NELL1: variants seen among roughly 807,000 people sequenced by gnomAD.
NELL1 encodes neural EGFL like 1.
NELL1 carries 76 observed loss-of-function variants against 107.4 expected under a neutral mutation model. The ratio of observed to expected loss-of-function variants is 0.71; its 90% CI spans 0.59 to 0.86. NELL1 has a LOEUF of 0.86. NELL1 is among the 40% of genes least tolerant of loss of function. The pLI, the probability that NELL1 is intolerant of heterozygous loss-of-function variation, is 0.00. For missense variants in NELL1, 1,024 were observed against 1,005.5 expected, an observed-to-expected ratio of 1.02 and a Z score of -0.25; for synonymous variants, 353 against 341.2, an observed-to-expected ratio of 1.03 and a Z score of -0.38.
At chr11:21,236,556 T>G (rs929090273) in intron 14 of NELL1, among the ~76,000 whole-genome samples, 44 of 152,156 alleles carry the variant, frequency 2.9e-4, no homozygotes, top group African/African-American at 9.4e-4. Flanking sequence ...TACAGAAAAT[T>G]TATTCTATTT....
chr11:21,050,756 A>G (rs1433070690), intron 12 of NELL1, among the ~76,000 whole-genome samples: 1 of 152,160 alleles, frequency 6.6e-6, no homozygotes, highest in Non-Finnish European at 1.5e-5. Flanking sequence ...TCATCTGTAT[A>G]GTAAGGAGGT....
At chr11:21,134,081 G>A (rs181862611) in intron 13 of NELL1, among the ~76,000 whole-genome samples, 71 of 152,342 alleles carry the variant, frequency 4.7e-4, no homozygotes, top group Admixed American at 2.7e-3. Flanking sequence ...TCAAGTCTCC[G>A]CTTTGATATG....
chr11:20,998,808 A>G (rs796659024), intron 12 of NELL1, among the ~76,000 whole-genome samples: 6 of 152,314 alleles, frequency 3.9e-5, no homozygotes, highest in African/African-American at 9.6e-5. Context: ...AATTCAATCT[A>G]TATAATGCCA....
intron 14 of NELL1, among the ~76,000 whole-genome samples, chr11:21,318,452 G>T (rs974389745): frequency 9.9e-5 from 15 of 152,044 alleles, no homozygotes; most frequent in African/African-American, 3.1e-4. Context: ...TTCCAAAGTT[G>T]CTACCTTTGT....
At chr11:20,750,718 C>T (rs1025865101) in intron 2 of NELL1, among the ~76,000 whole-genome samples, 20 of 152,048 alleles carry the variant, frequency 1.3e-4, no homozygotes, top group African/African-American at 4.8e-4. Context: ...TCCCCAGTAG[C>T]TAGGAATACA....
chr11:21,057,158 A>T (rs1337900193), intron 12 of NELL1, among the ~76,000 whole-genome samples: 1 of 152,142 alleles, frequency 6.6e-6, no homozygotes, highest in Non-Finnish European at 1.5e-5. Context: ...TGTAAATTTT[A>T]AAAATGGGGC....
Position 20,947,397 on chromosome 11 carries a change from A to T in NELL1, c.1133A>T (p.His378Leu). 6.2e-7 allele frequency: 1 copy of T among 1,614,100 alleles called. No homozygotes were observed. The highest frequency in any genetic ancestry group is 8.5e-7 in the Non-Finnish European group (1 of 1,179,972). ...CPPLNCSEKD[H>L]ILPENQCCRV... ...CCTTTGAACTGCTCAGAAAAGGATC[A>T]CATTCTTCCTGAGAATCAGTGCTGC... Residue 378 changes from histidine (H) to leucine (L), a missense_variant, in exon 11 of 20, where the codon CAC (histidine) becomes CTC (leucine). Physicochemically the swap from His to Leu is moderately conservative, Grantham distance 99 (BLOSUM62 -3). Coordinates refer to ENST00000357134, the MANE Select transcript of NELL1 (RefSeq NM_006157.5).
intron 2 of NELL1, among the ~76,000 whole-genome samples, chr11:20,772,926 G>C (rs1038642691): frequency 6.6e-6 from 1 of 152,138 alleles, no homozygotes; most frequent in Admixed American, 6.5e-5. Context: ...GCTGCTATGA[G>C]GATTAAATTA....
chr11:20,721,147 C>T (rs1462886026), intron 2 of NELL1, among the ~76,000 whole-genome samples: 1 of 134,710 alleles, frequency 7.4e-6, no homozygotes, highest in Non-Finnish European at 1.5e-5. Flanking sequence ...CTGCATGGCT[C>T]CAGAAACCAA....
intron 14 of NELL1, among the ~76,000 whole-genome samples, chr11:21,368,709 G>C (rs7930027): frequency 0.63 from 96,344 of 151,786 alleles, 30,926 homozygotes; most frequent in South Asian, 0.7. Context: ...CTTGGTGAAG[G>C]TGAACACCTT....
chr11:21,487,238 T>C (rs1296134395), intron 15 of NELL1, among the ~76,000 whole-genome samples: 6 of 152,130 alleles, frequency 3.9e-5, no homozygotes, highest in Non-Finnish European at 7.4e-5. Flanking sequence ...TAGTCACCTA[T>C]AGAGGAACCA....
At chr11:21,401,498 A>G (rs1852097035) in intron 15 of NELL1, among the ~76,000 whole-genome samples, 2 of 150,374 alleles carry the variant, frequency 1.3e-5, no homozygotes, top group South Asian at 4.1e-4. Context: ...TCAGCAATTT[A>G]GTTAAGTTAT....
intron 4 of NELL1, among the ~76,000 whole-genome samples, chr11:20,876,346 G>A (rs1369638757): frequency 6.6e-6 from 1 of 152,170 alleles, no homozygotes; most frequent in Admixed American, 6.5e-5. Context: ...AAACAGATTG[G>A]CAGGAGGAGA....
chr11:21,052,029 T>C (rs1853505526), intron 12 of NELL1, among the ~76,000 whole-genome samples: 1 of 152,056 alleles, frequency 6.6e-6, no homozygotes, highest in Non-Finnish European at 1.5e-5. Flanking sequence ...GTACGATTTT[T>C]AGTAGGGTGT....
At chr11:21,205,806 T>C (rs1485634092) in intron 13 of NELL1, among the ~76,000 whole-genome samples, 1 of 152,200 alleles carries the variant, frequency 6.6e-6, no homozygotes, top group Non-Finnish European at 1.5e-5. Flanking sequence ...GTGAGAAATG[T>C]ACTGATATTT....
chr11:21,147,836 CAAAAAAAAA>C (rs35688285), intron 13 of NELL1, among the ~76,000 whole-genome samples: 2 of 28,804 alleles, frequency 6.9e-5, no homozygotes, highest in African/African-American at 1.2e-4. Context: ...AACTCCGTCT[CAAAAAAAAA>C]AAAAAAAAAA....
intron 14 of NELL1, among the ~76,000 whole-genome samples, chr11:21,297,702 C>T (rs1438522191): frequency 1.3e-5 from 2 of 152,026 alleles, no homozygotes; most frequent in Non-Finnish European, 2.9e-5. Flanking sequence ...GTTGTGCTTT[C>T]TCTCAAGGAG....
At chr11:20,885,147 G>T (rs1387331550) in intron 4 of NELL1, among the ~76,000 whole-genome samples, 1 of 152,188 alleles carries the variant, frequency 6.6e-6, no homozygotes. Flanking sequence ...CCTATAACAT[G>T]CGTATCAAAC....
intron 14 of NELL1, among the ~76,000 whole-genome samples, chr11:21,335,343 A>C (rs1045963156): frequency 6.6e-6 from 1 of 151,664 alleles, no homozygotes; most frequent in Non-Finnish European, 1.5e-5. Flanking sequence ...CTCTCTCTCT[A>C]TTTTTCTCAC....
Sources: gnomAD v4.1 joint callset for allele counts (sites outside exome capture counted in the v4.1 genomes callset) on GRCh38, gnomAD v4.1.1 for gene constraint, MANE v1.5 for transcripts, NCBI Gene and HGNC (gene_info 2026-07-23, HGNC 2026-07-21) for gene names.